The following GNAT3 variants were observed in gnomAD, a reference collection of about 807,000 sequenced individuals.
GNAT3 encodes G protein subunit alpha transducin 3.
In GNAT3, 31 loss-of-function variants were observed where a neutral mutation model predicts 37.7. That is an observed-to-expected ratio of 0.82 (90% CI 0.62 to 1.11). GNAT3 has a LOEUF of 1.11. GNAT3 is among the 50% of genes most tolerant of loss of function. The probability of loss-of-function intolerance (pLI) is 0.00; values close to 1 mark genes in which losing one functional copy is unlikely to be tolerated. For missense variants in GNAT3, 437 were observed against 412.5 expected, an observed-to-expected ratio of 1.06 and a Z score of -0.51; for synonymous variants, 138 against 139.8, an observed-to-expected ratio of 0.99 and a Z score of 0.09.
rs145399020 is a variant in GNAT3, at chr7:80,461,506, C to T, written c.874+653G>A. 6.9e-3 allele frequency among the ~76,000 whole-genome samples: 1,048 copies of T among 151,882 alleles called. 10 individuals are homozygous for T. Among genetic ancestry groups the T allele is most frequent in the African/African-American group, 0.024 (1,011 of 41,408 alleles). On this transcript the variant is annotated intron_variant, in intron 7 of 7. Transcript: ENST00000398291. ...AAAGGCTACAGCCTGAGCGACAGAG[C>T]GAGACTCCATCTCAAAAAAGAAAAA...
At chr7:80,511,678 A>G in intron 1 of GNAT3, 131 bp downstream of exon 1, 1 of 572,144 alleles carries the variant, frequency 1.7e-6, no homozygotes, top group Non-Finnish European at 3.1e-6. Flanking sequence ...ATTTTCCTTA[A>G]GTTTCCAAAC....
At chr7:80,485,566 C>A (rs1790464042) in intron 3 of GNAT3, among the ~76,000 whole-genome samples, 1 of 152,120 alleles carries the variant, frequency 6.6e-6, no homozygotes, top group African/African-American at 2.4e-5. Flanking sequence ...ACATCAAGCT[C>A]TCCTCTCCTG....
intron 1 of GNAT3, among the ~76,000 whole-genome samples, chr7:80,499,023 C>G (rs1417810863): frequency 6.6e-6 from 1 of 152,098 alleles, no homozygotes; most frequent in Non-Finnish European, 1.5e-5. Flanking sequence ...TTTTGGATGA[C>G]TTGTTCAAAC....
At chr7:80,486,632 C>CTTTTTTTTTTTTT (rs762169940) in intron 3 of GNAT3, 1 of 98,422 alleles carries the variant, frequency 1.0e-5, no homozygotes, top group Non-Finnish European at 1.9e-5. Flanking sequence ...TTTTCTTTTC[C>CTTTTTTTTTTTTT]TTTTTTTTTT....
intron 4 of GNAT3, 144 bp from the exon 5 acceptor site, chr7:80,474,523 A>T (rs746608836): frequency 2.7e-6 from 1 of 376,366 alleles, no homozygotes; most frequent in Non-Finnish European, 4.6e-6. Context: ...ACCAGGATTC[A>T]GTAGAAATGA....
intron 5 of GNAT3, among the ~76,000 whole-genome samples, chr7:80,466,218 T>G (rs2116145897): frequency 6.6e-6 from 1 of 152,258 alleles, no homozygotes; most frequent in Middle Eastern, 3.4e-3. Flanking sequence ...ATGGCAGGGC[T>G]GTAGGAATCG....
intron 5 of GNAT3, among the ~76,000 whole-genome samples, chr7:80,470,785 T>C (rs1401639317): frequency 6.6e-6 from 1 of 152,146 alleles, no homozygotes; most frequent in African/African-American, 2.4e-5. Flanking sequence ...AAGAGTCCTA[T>C]TGTAAGAATA....
intron 1 of GNAT3, among the ~76,000 whole-genome samples, chr7:80,508,586 T>A (rs181183962): frequency 6.6e-6 from 1 of 152,188 alleles, no homozygotes; most frequent in East Asian, 1.9e-4. Flanking sequence ...AGTTATCAAA[T>A]GTGCTCAGCA....
chr7:80,508,292 G>T (rs1479799951), intron 1 of GNAT3, among the ~76,000 whole-genome samples: 1 of 151,802 alleles, frequency 6.6e-6, no homozygotes, highest in Non-Finnish European at 1.5e-5. Context: ...AAACGAAACT[G>T]ATGCAGCAAA....
chr7:80,472,033 C>A (rs1790229797), intron 5 of GNAT3, among the ~76,000 whole-genome samples: 1 of 152,054 alleles, frequency 6.6e-6, no homozygotes, highest in Non-Finnish European at 1.5e-5. Context: ...TATAAATAGA[C>A]ATGGCCCCTA....
At chr7:80,490,964 C>G (rs1241914122) in intron 2 of GNAT3, among the ~76,000 whole-genome samples, 1 of 152,122 alleles carries the variant, frequency 6.6e-6, no homozygotes, top group African/African-American at 2.4e-5. Context: ...TCGGCAAGAA[C>G]TGGGCTCCAG....
chr7:80,486,169 G>A (rs1218099729), intron 3 of GNAT3, among the ~76,000 whole-genome samples: 1 of 152,142 alleles, frequency 6.6e-6, no homozygotes, highest in African/African-American at 2.4e-5. Flanking sequence ...GAATGCAGCT[G>A]AAACTGATAG....
At chr7:80,476,291 C>G (rs1790300702) in intron 4 of GNAT3, among the ~76,000 whole-genome samples, 1 of 151,314 alleles carries the variant, frequency 6.6e-6, no homozygotes, top group Admixed American at 6.6e-5. Flanking sequence ...AGTCTATAAT[C>G]TAAAGCTTAG....
intron 3 of GNAT3, among the ~76,000 whole-genome samples, chr7:80,479,212 T>C (rs10280807): frequency 0.24 from 36,720 of 151,492 alleles, 6,547 homozygotes; most frequent in African/African-American, 0.52. Context: ...AACTATAAAA[T>C]ATTATGTGAA....
chr7:80,485,279 A>G (rs1790458520), intron 3 of GNAT3, among the ~76,000 whole-genome samples: 1 of 151,888 alleles, frequency 6.6e-6, no homozygotes, highest in East Asian at 1.9e-4. Context: ...AGTATGAATT[A>G]TATGCCATAG....
intron 3 of GNAT3, among the ~76,000 whole-genome samples, chr7:80,484,991 C>G (rs1328814331): frequency 6.6e-6 from 1 of 152,038 alleles, no homozygotes; most frequent in East Asian, 1.9e-4. Context: ...ATTTCTAAAT[C>G]CAATAGATTC....
chr7:80,464,941 G>C (rs1335991343), intron 5 of GNAT3, among the ~76,000 whole-genome samples: 1 of 152,042 alleles, frequency 6.6e-6, no homozygotes, highest in African/African-American at 2.4e-5. Flanking sequence ...TAAATTTGGT[G>C]TGTATAAAGA....
At chr7:80,494,842 A>T (rs1790685769) in intron 1 of GNAT3, among the ~76,000 whole-genome samples, 195 bp from the exon 2 acceptor site, 1 of 152,126 alleles carries the variant, frequency 6.6e-6, no homozygotes, top group African/African-American at 2.4e-5. Flanking sequence ...AATAGTGTGC[A>T]TTGTACCCAA....
At chr7:80,504,529 AG>A (rs1469928211) in intron 1 of GNAT3, among the ~76,000 whole-genome samples, 6 of 152,216 alleles carry the variant, frequency 3.9e-5, no homozygotes, top group Non-Finnish European at 8.8e-5. Flanking sequence ...TATCTATATA[AG>A]GTGAATTCAA....
Sources: allele counts gnomAD v4.1 joint callset (sites outside exome capture counted in the v4.1 genomes callset), GRCh38; gene constraint gnomAD v4.1.1; transcripts MANE v1.5; gene names NCBI Gene and HGNC (gene_info 2026-07-23, HGNC 2026-07-21).